The following RAE1 variants were observed in gnomAD, a reference collection of about 807,000 sequenced individuals.
RAE1 encodes mRNA export factor RAE1.
A neutral mutation model predicts 52.7 loss-of-function variants in RAE1; 13 were observed. The ratio of observed to expected loss-of-function variants is 0.25; its 90% CI spans 0.16 to 0.39. The LOEUF (loss-of-function observed/expected upper bound fraction) is 0.39, where lower values mean the gene tolerates loss of function less well. Among genes scored for constraint, RAE1 ranks in the 10% least tolerant of loss-of-function variants. The pLI is 1.00. For missense variants in RAE1, 262 were observed against 459.8 expected (o/e 0.57, Z 3.93); for synonymous variants, 164 against 153.1 (o/e 1.07, Z -0.52).
chr20:57,375,764 C>T (rs776108154), intron 11 of RAE1, among the ~76,000 whole-genome samples: 2 of 152,240 alleles, frequency 1.3e-5, no homozygotes, highest in Non-Finnish European at 2.9e-5. Flanking sequence ...CCTGTGGCCA[C>T]GTCCTCCTCA....
chr20:57,356,608 C>A lies in RAE1; in HGVS notation c.288+70C>A, dbSNP rs376991647. ...AGAATGATTTAGAATATTTAATAAT[C>A]CAAACACAAATAGCATATATGTGTT... On this transcript the variant is annotated intron_variant, in intron 4 of 11. Transcript: ENST00000395841. 1.4e-5 allele frequency: 19 copies of A among 1,364,038 alleles called. No individual in the cohort carries two copies. In the African/African-American group the frequency reaches 2.0e-4, roughly 14 times the overall value. The allele number at this position is 1,364,038 out of a possible 1,614,324, so 84.5% of individuals were successfully genotyped here. A position where few individuals can be genotyped will look rare whatever the true frequency, so the allele number is the denominator to read the frequency against.
intron 3 of RAE1, among the ~76,000 whole-genome samples, chr20:57,355,175 C>G (rs1458029133): frequency 6.6e-6 from 1 of 152,146 alleles, no homozygotes; most frequent in East Asian, 1.9e-4. Context: ...ATGTATGAAA[C>G]TTTTTCAACG....
intron 2 of RAE1, among the ~76,000 whole-genome samples, 196 bp downstream of exon 2, chr20:57,354,324 G>T (rs974564900): frequency 2.6e-5 from 4 of 152,206 alleles, no homozygotes; most frequent in African/African-American, 9.6e-5. Flanking sequence ...GGCCTGCCAG[G>T]TCTCCAGAAT....
At chr20:57,366,431 A>C (rs2066955055) in intron 5 of RAE1, among the ~76,000 whole-genome samples, 1 of 152,312 alleles carries the variant, frequency 6.6e-6, no homozygotes, top group Non-Finnish European at 1.5e-5. Context: ...GAGATGGAGC[A>C]GGCACATCAC....
At position 57,374,741 on chromosome 20, in the gene RAE1, T is replaced by C. The variant is rs1484645249; in HGVS notation, c.960T>C (p.Ala320=). The C allele has an allele frequency of 3.1e-6, 5 of 1,614,106 alleles. No individual in the cohort carries two copies. The African/African-American group carries it at 4.0e-5, about 13-fold the overall frequency. Residue 320 remains alanine, a synonymous_variant, in exon 11 of 12, where the codon GCT becomes GCC. Coordinates refer to ENST00000395841, the MANE Select transcript of RAE1 (RefSeq NM_003610.4). ...TSEQLDQPIS[A]CCFNHNGNIF... ...AACAGTTAGATCAGCCCATCTCAGC[T>C]TGCTGTTTCAATCACAATGGAAACA...
At chr20:57,375,829 GTT>G (rs1157973912) in intron 11 of RAE1, among the ~76,000 whole-genome samples, 2 of 152,196 alleles carry the variant, frequency 1.3e-5, no homozygotes, top group African/African-American at 4.8e-5. Flanking sequence ...GTCCCTTCCT[GTT>G]CCATACAGCT....
At chr20:57,368,335 A>G (rs1249660687) in intron 7 of RAE1, among the ~76,000 whole-genome samples, 1 of 152,194 alleles carries the variant, frequency 6.6e-6, no homozygotes, top group African/African-American at 2.4e-5. Flanking sequence ...GGACCTTATG[A>G]AACATGTTTT....
intron 7 of RAE1, among the ~76,000 whole-genome samples, chr20:57,367,381 G>A (rs2066970854): frequency 6.6e-6 from 1 of 152,170 alleles, no homozygotes; most frequent in Non-Finnish European, 1.5e-5. Flanking sequence ...CATGGCAGTA[G>A]GAAAACTTGC....
chr20:57,368,906 C>G, intron 8 of RAE1, 94 bp downstream of exon 8: 1 of 1,023,468 alleles, frequency 9.8e-7, no homozygotes, highest in Non-Finnish European at 1.5e-6. Flanking sequence ...TTTGTAAAAC[C>G]TGTAAGTATG....
intron 11 of RAE1, among the ~76,000 whole-genome samples, chr20:57,376,220 G>C (rs1397976658): frequency 2.0e-5 from 3 of 152,210 alleles, no homozygotes; most frequent in African/African-American, 7.2e-5. Context: ...AGGGTTTGCT[G>C]TGTGAGCCAT....
intron 8 of RAE1, among the ~76,000 whole-genome samples, chr20:57,370,801 T>C (rs1215361272): frequency 6.6e-6 from 1 of 152,220 alleles, no homozygotes; most frequent in Non-Finnish European, 1.5e-5. Context: ...TTGTTTGTAT[T>C]TGTTGCTGCC....
chr20:57,355,731 G>A (rs531050870), intron 3 of RAE1, among the ~76,000 whole-genome samples: 28 of 152,326 alleles, frequency 1.8e-4, no homozygotes, highest in African/African-American at 6.7e-4. Flanking sequence ...TTTTGGAAAA[G>A]CTTTTGAACT....
rs548878843 is a variant in RAE1 at position 57,357,532 on chromosome 20, G to C, written c.288+994G>C. The C allele has an allele frequency of 5.9e-5, 9 of 152,208 alleles. No individual in the cohort carries two copies. The South Asian group carries it at 1.9e-3, about 32-fold the overall frequency. 9.4% of individuals were successfully genotyped at this position (152,208 alleles called of 1,614,324 possible). On this transcript the variant is annotated intron_variant, in intron 4 of 11. Coordinates refer to ENST00000395841, the MANE Select transcript of RAE1 (RefSeq NM_003610.4). The stretch of plus-strand genomic sequence containing the variant: ...TTTTCTCATAAAAGATGTACGAGTT[G>C]GTCTTAGCGGTATTGGGGTTATGCC...
At chr20:57,366,698 A>C in intron 5 of RAE1, 109 bp from the exon 6 acceptor site, 1 of 1,068,016 alleles carries the variant, frequency 9.4e-7, no homozygotes, top group Non-Finnish European at 1.4e-6. Context: ...TTTGTTTGGT[A>C]TGGCCCCAGT....
chr20:57,367,168 G>A (rs1236225432), intron 7 of RAE1, 89 bp downstream of exon 7: 1 of 1,147,990 alleles, frequency 8.7e-7, no homozygotes. Flanking sequence ...TTAGTGAGTG[G>A]ATAATATAAA....
chr20:57,356,476 C>G lies in RAE1; in HGVS notation c.226C>G (p.Gln76Glu). ...CTGCTGGGAAGTTCAAGACAGTGGACAGACCATTCCAAAAGCCCAGCAGAT... is the reference window on the plus strand; with the variant it reads ...CTGCTGGGAAGTTCAAGACAGTGGAGAGACCATTCCAAAAGCCCAGCAGAT... ...VRCWEVQDSG[Q>E]TIPKAQQMHT... Residue 76 changes from glutamine (Q) to glutamate (E), a missense_variant, in exon 4 of 12, where the codon CAG (glutamine) becomes GAG (glutamate). Transcript: ENST00000395841. 6.2e-7 allele frequency: 1 copy of G among 1,613,238 alleles called. No homozygotes were observed. Among genetic ancestry groups the G allele is most frequent in the Non-Finnish European group, 8.5e-7 (1 of 1,179,456 alleles).
intron 8 of RAE1, among the ~76,000 whole-genome samples, chr20:57,370,945 A>G (rs753607347): frequency 1.1e-4 from 16 of 152,190 alleles, no homozygotes; most frequent in South Asian, 4.1e-4. Flanking sequence ...AGCCCATTCA[A>G]TGGGACCTCC....
chr20:57,373,371 GTTC>G, intron 8 of RAE1, 101 bp from the exon 9 acceptor site: 1 of 1,103,692 alleles, frequency 9.1e-7, no homozygotes, highest in Non-Finnish European at 1.3e-6. Flanking sequence ...ATTTTTTCTG[GTTC>G]TTCTAAAACC....
At chr20:57,375,729 G>T (rs1239500780) in intron 11 of RAE1, among the ~76,000 whole-genome samples, 1 of 152,108 alleles carries the variant, frequency 6.6e-6, no homozygotes, top group Non-Finnish European at 1.5e-5. Flanking sequence ...GTACTTTCTG[G>T]CCTCTTGCAG....
Sources: allele counts gnomAD v4.1 joint callset (sites outside exome capture counted in the v4.1 genomes callset), GRCh38; gene constraint gnomAD v4.1.1; transcripts MANE v1.5; gene names NCBI Gene and HGNC (gene_info 2026-07-23, HGNC 2026-07-21).